The following CACNA2D3 variants were observed in gnomAD, a reference collection of about 807,000 sequenced individuals.
The protein encoded by CACNA2D3 is calcium voltage-gated channel auxiliary subunit alpha2delta 3.
Under a neutral mutation model 160.6 loss-of-function variants are expected in CACNA2D3, and 60 were observed. The observed-to-expected ratio is 0.37, with a 90% CI of 0.30 to 0.46. The LOEUF (loss-of-function observed/expected upper bound fraction) is 0.46, where lower values mean the gene tolerates loss of function less well. Among genes scored for constraint, CACNA2D3 ranks in the 20% least tolerant of loss-of-function variants. The pLI is 1.00. For missense variants in CACNA2D3, 1,205 were observed against 1,365.0 expected, an observed-to-expected ratio of 0.88 and a Z score of 1.85; for synonymous variants, 558 against 492.9, an observed-to-expected ratio of 1.13 and a Z score of -1.75.
chr3:55,004,906 C>A, intron 32 of CACNA2D3, 68 bp downstream of exon 32: 1 of 1,103,340 alleles, frequency 9.1e-7, no homozygotes, highest in Non-Finnish European at 1.4e-6. Flanking sequence ...TGAGTGTTAT[C>A]TTCCTCTTTG....
intron 11 of CACNA2D3, among the ~76,000 whole-genome samples, chr3:54,652,974 G>C (rs1359383128): frequency 6.6e-6 from 1 of 151,908 alleles, no homozygotes; most frequent in East Asian, 1.9e-4. Context: ...GTAGAGATGG[G>C]GTTTCATCAT....
chr3:54,891,411 G>T lies in CACNA2D3; in HGVS notation c.2207G>T (p.Arg736Ile), dbSNP rs1371316993. ...CTCGGCACTCGCACGGGCCTCTCCA[G>T]AATCAACCTGTTTGTCGGGGCTGAG... ...AFLGTRTGLS[R>I]INLFVGAEQL... is the part of the protein sequence containing the mutation. The change falls in exon 25 of 38, where the codon AGA (arginine) becomes ATA (isoleucine). Residue 736 changes from arginine to isoleucine, a missense_variant. Arg to Ile is a moderately conservative substitution (Grantham distance 97). This residue lies in a region of CACNA2D3 where 911 missense variants were observed against 1,002.2 expected (regional missense o/e 0.91). Transcript: ENST00000474759. 6.2e-7 allele frequency: 1 copy of T among 1,613,940 alleles called. No individual in the cohort carries two copies. Among genetic ancestry groups the T allele is most frequent in the Admixed American group, 1.7e-5 (1 of 60,010 alleles).
At chr3:54,335,807 C>T (rs1416969701) in intron 3 of CACNA2D3, among the ~76,000 whole-genome samples, 1 of 151,770 alleles carries the variant, frequency 6.6e-6, no homozygotes, top group East Asian at 2.0e-4. Context: ...AGATCTAGAC[C>T]ATCCTGGCCA....
chr3:54,285,653 C>T (rs1041986332), intron 2 of CACNA2D3, among the ~76,000 whole-genome samples: 9 of 152,162 alleles, frequency 5.9e-5, no homozygotes, highest in African/African-American at 1.4e-4. Flanking sequence ...CCCTGACCCC[C>T]GAGCAGCCTA....
intron 2 of CACNA2D3, among the ~76,000 whole-genome samples, chr3:54,199,371 T>C (rs547724161): frequency 1.3e-5 from 2 of 152,190 alleles, no homozygotes; most frequent in African/African-American, 4.8e-5. Flanking sequence ...AAAAATTTTA[T>C]TTATTTATTT....
chr3:54,211,225 C>CT (rs535135782), intron 2 of CACNA2D3, among the ~76,000 whole-genome samples: 1 of 151,982 alleles, frequency 6.6e-6, no homozygotes, highest in African/African-American at 2.4e-5. Flanking sequence ...ACAAGCTTTG[C>CT]TTTTTTTCCA....
At chr3:54,541,688 G>A (rs1416864148) in intron 5 of CACNA2D3, among the ~76,000 whole-genome samples, 7 of 152,188 alleles carry the variant, frequency 4.6e-5, no homozygotes, top group East Asian at 3.8e-4. Flanking sequence ...TGGTGCTGCC[G>A]GAGGAAGTGG....
intron 4 of CACNA2D3, among the ~76,000 whole-genome samples, chr3:54,448,142 G>A (rs1385431909): frequency 2.0e-5 from 3 of 152,170 alleles, no homozygotes; most frequent in Non-Finnish European, 4.4e-5. Flanking sequence ...CAAGCAAGCT[G>A]AGGTGCTGCA....
intron 31 of CACNA2D3, among the ~76,000 whole-genome samples, chr3:55,002,579 C>G (rs1014416135): frequency 6.6e-6 from 1 of 152,232 alleles, no homozygotes; most frequent in African/African-American, 2.4e-5. Context: ...ATCCCCAAGC[C>G]TAATGCTTGG....
intron 11 of CACNA2D3, among the ~76,000 whole-genome samples, chr3:54,675,605 A>AGT (rs1237239145): frequency 2.0e-5 from 3 of 152,134 alleles, no homozygotes; most frequent in Non-Finnish European, 4.4e-5. Flanking sequence ...ACAGTGCTGA[A>AGT]GTAGAGGGAG....
At chr3:54,159,426 A>G (rs1700302623) in intron 2 of CACNA2D3, among the ~76,000 whole-genome samples, 1 of 152,246 alleles carries the variant, frequency 6.6e-6, no homozygotes, top group African/African-American at 2.4e-5. Flanking sequence ...TAATAACTGT[A>G]TAATAAGTGA....
intron 11 of CACNA2D3, among the ~76,000 whole-genome samples, chr3:54,660,450 G>A (rs577449204): frequency 2.2e-4 from 33 of 152,264 alleles, no homozygotes; most frequent in African/African-American, 7.0e-4. Flanking sequence ...GTGAGCCACC[G>A]CACCCGGCTG....
intron 11 of CACNA2D3, among the ~76,000 whole-genome samples, chr3:54,662,077 G>T (rs1699983714): frequency 6.6e-6 from 1 of 152,110 alleles, no homozygotes; most frequent in East Asian, 1.9e-4. Context: ...CATAAGGGCA[G>T]ATATCATGTT....
intron 16 of CACNA2D3, among the ~76,000 whole-genome samples, chr3:54,844,738 A>G (rs1319954912): frequency 2.0e-5 from 3 of 152,210 alleles, no homozygotes; most frequent in Admixed American, 6.5e-5. Context: ...GATAAGTACT[A>G]TAAGAGTACA....
chr3:54,896,942 G>A, intron 26 of CACNA2D3, 72 bp downstream of exon 26: 7 of 1,596,534 alleles, frequency 4.4e-6, no homozygotes. Context: ...GCAGGGTGTT[G>A]GGGAGCTGCC....
At chr3:54,209,601 C>T (rs182160620) in intron 2 of CACNA2D3, among the ~76,000 whole-genome samples, 2 of 152,312 alleles carry the variant, frequency 1.3e-5, no homozygotes, top group African/African-American at 2.4e-5. Flanking sequence ...AGGCTTTTAA[C>T]TCTGATGGAA....
At chr3:55,068,736 C>T (rs925148489) in intron 35 of CACNA2D3, among the ~76,000 whole-genome samples, 2 of 152,118 alleles carry the variant, frequency 1.3e-5, no homozygotes, top group African/African-American at 4.8e-5. Context: ...CATATTCTTG[C>T]TTATTCAATC....
intron 2 of CACNA2D3, among the ~76,000 whole-genome samples, chr3:54,208,050 A>G (rs569450937): frequency 6.6e-6 from 1 of 152,240 alleles, no homozygotes; most frequent in South Asian, 2.1e-4. Flanking sequence ...CTTTTCTAAA[A>G]TGGGTGAGTA....
intron 27 of CACNA2D3, among the ~76,000 whole-genome samples, chr3:54,960,023 T>C (rs1213827913): frequency 6.6e-6 from 1 of 151,394 alleles, no homozygotes; most frequent in Non-Finnish European, 1.5e-5. Context: ...CATTTATAAT[T>C]GTCATTTACT....
Sources: gnomAD v4.1 joint callset for allele counts (sites outside exome capture counted in the v4.1 genomes callset) on GRCh38, gnomAD v4.1.1 for gene constraint, gnomAD v4.1.1 regional missense constraint, MANE v1.5 for transcripts, NCBI Gene and HGNC (gene_info 2026-07-23, HGNC 2026-07-21) for gene names.